The following ZPBP variants were observed in gnomAD, a reference collection of about 807,000 sequenced individuals.
The protein encoded by ZPBP is zona pellucida binding protein.
ZPBP carries 26 observed loss-of-function variants against 44.8 expected under a neutral mutation model. The observed-to-expected ratio is 0.58, with a 90% CI of 0.43 to 0.81. The LOEUF (loss-of-function observed/expected upper bound fraction) is 0.81, where lower values mean the gene tolerates loss of function less well. Among genes scored for constraint, ZPBP ranks in the 30% least tolerant of loss-of-function variants. The pLI is 0.00. For synonymous variants in ZPBP, 174 were observed against 153.2 expected, an observed-to-expected ratio of 1.14 and a Z score of -1.00; for missense variants, 409 against 434.0, an observed-to-expected ratio of 0.94 and a Z score of 0.51.
At position 49,877,117 on chromosome 7, in the gene ZPBP, A is replaced by C. The variant is rs376294389; in HGVS notation, n.509+24001T>G. Among the ~76,000 whole-genome samples, 4 of 152,188 alleles carry C rather than the reference A, an allele frequency of 2.6e-5. No homozygotes were observed. In the East Asian group the frequency reaches 7.8e-4, roughly 30 times the overall value. On this transcript the variant is annotated intron_variant and non_coding_transcript_variant, in intron 2 of 2. Transcript: ENST00000465922. Reference sequence around the variant, plus strand: ...TGGTGTGAGAATCAAGTGAGAAAATACATTGGAAGACACGTATCTCTTTCC... The same window carrying C: ...TGGTGTGAGAATCAAGTGAGAAAATCCATTGGAAGACACGTATCTCTTTCC...
chr7:49,951,391 C>A (rs1795336900), intron 7 of ZPBP, among the ~76,000 whole-genome samples: 1 of 151,544 alleles, frequency 6.6e-6, no homozygotes, highest in African/African-American at 2.4e-5. Context: ...GAAACACTGG[C>A]AGAGGATTTA....
In ZPBP at chr7:49,983,429, C is replaced by T; in HGVS notation, c.874G>A (p.Gly292Ser). ...TTAATCCAAACCATTTGGAGAGTACCTTCAATATAGTATATTTGAGGTAAT... is the reference window on the plus strand; with the variant it reads ...TTAATCCAAACCATTTGGAGAGTACTTTCAATATAGTATATTTGAGGTAAT... The part of the protein sequence containing the change: ...EQLPQIYYIE[G>S]TLQMVWINRC... The change falls in exon 7 of 8, where the codon GGT becomes AGT. Residue 292 changes from glycine to serine, a missense_variant. By Grantham distance (56) the Gly-to-Ser change is moderately conservative. This residue lies in a region of ZPBP where 367 missense variants were observed against 363.1 expected (regional missense o/e 1.01). Coordinates refer to ENST00000046087, the MANE Select transcript of ZPBP (RefSeq NM_007009.3). The T allele has an allele frequency of 6.2e-7, 1 of 1,612,752 alleles. No homozygotes were observed. The highest frequency in any genetic ancestry group is 8.5e-7 in the Non-Finnish European group (1 of 1,179,126).
chr7:49,946,807 C>T (rs577735863), intron 7 of ZPBP, among the ~76,000 whole-genome samples: 3 of 152,234 alleles, frequency 2.0e-5, no homozygotes, highest in African/African-American at 7.2e-5. Context: ...TCTCACTCTC[C>T]CTTCTCCTTA....
At chr7:49,904,736 A>AT (rs5884134) in intron 1 of ZPBP, among the ~76,000 whole-genome samples, 95,182 of 139,022 alleles carry the variant, frequency 0.68, 32,840 homozygotes, top group Admixed American at 0.75. Flanking sequence ...GCATATATTA[A>AT]TTTTTTTTTT....
intron 2 of ZPBP, 47 bp from the exon 3 acceptor site, chr7:50,081,946 T>G: frequency 6.3e-7 from 1 of 1,595,754 alleles, no homozygotes; most frequent in Non-Finnish European, 8.6e-7. Flanking sequence ...TTATCTTCTT[T>G]TCTTTCTCTA....
intron 7 of ZPBP, among the ~76,000 whole-genome samples, chr7:49,938,542 T>C (rs959185661): frequency 3.3e-5 from 5 of 152,182 alleles, no homozygotes; most frequent in African/African-American, 1.2e-4. Context: ...TTTCATAACA[T>C]TAATGTATTA....
At chr7:50,025,850 A>G (rs1449134269) in intron 5 of ZPBP, among the ~76,000 whole-genome samples, 1 of 151,882 alleles carries the variant, frequency 6.6e-6, no homozygotes, top group Non-Finnish European at 1.5e-5. Context: ...GTGCAGCAAA[A>G]AGGCAAAAGT....
intron 5 of ZPBP, among the ~76,000 whole-genome samples, chr7:50,025,077 T>C (rs961453803): frequency 1.3e-5 from 2 of 151,774 alleles, no homozygotes; most frequent in African/African-American, 4.8e-5. Flanking sequence ...ATGAAATATA[T>C]AACAAAATAT....
intron 4 of ZPBP, among the ~76,000 whole-genome samples, chr7:50,045,904 A>G (rs1040567155): frequency 1.1e-4 from 16 of 152,138 alleles, no homozygotes; most frequent in African/African-American, 3.6e-4. Flanking sequence ...CTATACTACA[A>G]GGCTACAGTA....
At chr7:50,023,224 A>C (rs909350216) in intron 5 of ZPBP, among the ~76,000 whole-genome samples, 1 of 152,134 alleles carries the variant, frequency 6.6e-6, no homozygotes, top group Non-Finnish European at 1.5e-5. Flanking sequence ...GAGAAAGAGA[A>C]GCACTTGTGA....
At chr7:49,934,464 C>A (rs1275519088), downstream of ZPBP, among the ~76,000 whole-genome samples, 1 of 150,490 alleles carries the variant, frequency 6.6e-6, no homozygotes, top group Non-Finnish European at 1.5e-5. Context: ...AAAAAACTCA[C>A]ACATGATCCC....
intron 5 of ZPBP, 85 bp downstream of exon 5, chr7:50,031,006 TA>T: frequency 1.7e-6 from 2 of 1,158,496 alleles, no homozygotes; most frequent in South Asian, 1.3e-5. Flanking sequence ...GTTTATATCA[TA>T]AAAATGCTGT....
intron 4 of ZPBP, among the ~76,000 whole-genome samples, chr7:50,039,569 A>C (rs1799974271): frequency 6.6e-6 from 1 of 152,170 alleles, no homozygotes; most frequent in Non-Finnish European, 1.5e-5. Context: ...TGGGCCTATA[A>C]CACATAAATA....
At chr7:50,087,084 A>G (rs1802699192) in intron 2 of ZPBP, among the ~76,000 whole-genome samples, 1 of 152,076 alleles carries the variant, frequency 6.6e-6, no homozygotes, top group South Asian at 2.1e-4. Context: ...AAAGTCCAGC[A>G]CCAAATGAAT....
chr7:50,082,096 T>C (rs1041198464), intron 2 of ZPBP, among the ~76,000 whole-genome samples, 197 bp from the exon 3 acceptor site: 1 of 152,050 alleles, frequency 6.6e-6, no homozygotes. Flanking sequence ...TGTATGTATA[T>C]ATGTGTATGC....
At chr7:50,001,795 G>A (rs537690807) in intron 6 of ZPBP, among the ~76,000 whole-genome samples, 1 of 152,256 alleles carries the variant, frequency 6.6e-6, no homozygotes, top group East Asian at 1.9e-4. Flanking sequence ...TTAGAATCTG[G>A]GAATGCCAAC....
intron 1 of ZPBP, among the ~76,000 whole-genome samples, chr7:49,909,508 G>A (rs868019375): frequency 5.9e-5 from 9 of 152,166 alleles, no homozygotes; most frequent in Non-Finnish European, 7.4e-5. Flanking sequence ...GTGGTGGAGT[G>A]CAGAGAGGAC....
chr7:50,040,915 T>G (rs1180607725), intron 4 of ZPBP, among the ~76,000 whole-genome samples: 1 of 152,122 alleles, frequency 6.6e-6, no homozygotes, highest in Non-Finnish European at 1.5e-5. Flanking sequence ...TGGCTTGAAA[T>G]TCTCGCTGCC....
chr7:49,918,340 C>T (rs1172425098), intron 1 of ZPBP: 1 of 152,118 alleles, frequency 6.6e-6, no homozygotes, highest in Non-Finnish European at 1.5e-5. Flanking sequence ...AGAAAATAGA[C>T]AGAAATTTCC....
Sources: gnomAD v4.1 joint callset for allele counts (sites outside exome capture counted in the v4.1 genomes callset) on GRCh38, gnomAD v4.1.1 for gene constraint, gnomAD v4.1.1 regional missense constraint, MANE v1.5 for transcripts, NCBI Gene and HGNC (gene_info 2026-07-23, HGNC 2026-07-21) for gene names.